Variants in ADGB observed in about 807,000 individuals in gnomAD.
The protein encoded by ADGB is calpain-7-like protein.
In ADGB, 172 loss-of-function variants were observed where a neutral mutation model predicts 210.5. The observed-to-expected ratio is 0.82, with a 90% CI of 0.72 to 0.93. The LOEUF is 0.93. ADGB is among the 40% of genes least tolerant of loss of function. The pLI, the probability that ADGB is intolerant of heterozygous loss-of-function variation, is 0.00. For missense variants in ADGB, 2,025 were observed against 1,964.8 expected, an observed-to-expected ratio of 1.03 and a Z score of -0.58; for synonymous variants, 658 against 662.7, an observed-to-expected ratio of 0.99 and a Z score of 0.11.
At chr6:146,756,823 A>G (rs1459917156) in intron 27 of ADGB, among the ~76,000 whole-genome samples, 1 of 151,434 alleles carries the variant, frequency 6.6e-6, no homozygotes, top group African/African-American at 2.4e-5. Context: ...CACCTCCTGG[A>G]TTCAAGTGAT....
Position 146,603,213 on chromosome 6 carries a change from AAATTAAATT to A in ADGB, c.74+4104_74+4112del, listed in dbSNP as rs1403476960. Among the ~76,000 whole-genome samples the A allele has an allele frequency of 5.9e-5, 9 of 152,338 alleles. No individual in the cohort carries two copies. The East Asian group carries it at 1.7e-3, about 29-fold the overall frequency. ...CTAATAACAATTAGCAATTATAAAC[AAATTAAATT>A]AATTGATCAATCTAATTGATTTGAA... On this transcript the variant is annotated intron_variant, in intron 1 of 35. Coordinates refer to ENST00000397944, the MANE Select transcript of ADGB (RefSeq NM_024694.4).
At chr6:146,672,511 AT>A (rs1409164114) in intron 8 of ADGB, 44 bp downstream of exon 8, 1 of 1,476,072 alleles carries the variant, frequency 6.8e-7, no homozygotes, top group Non-Finnish European at 9.0e-7. Context: ...TGGACATTGC[AT>A]ATAAATGCCT....
Position 146,746,055 on chromosome 6 carries a change from C to T in ADGB, c.3311C>T (p.Ala1104Val). ...LSRDSPCNSFAIKEIRDYYIP... is the reference protein window; with the variant it reads ...LSRDSPCNSFVIKEIRDYYIP... ...CGAGACTCTCCATGCAATTCCTTTGCCATAAAGGAAATCCGAGATTACTAC... is the reference window on the plus strand; with the variant it reads ...CGAGACTCTCCATGCAATTCCTTTGTCATAAAGGAAATCCGAGATTACTAC... Residue 1104 changes from alanine (A) to valine (V), a missense_variant, in exon 26 of 36, where the codon GCC (alanine) becomes GTC (valine). Physicochemically the swap from Ala to Val is moderately conservative, Grantham distance 64. Coordinates refer to ENST00000397944, the MANE Select transcript of ADGB (RefSeq NM_024694.4). 6.5e-7 allele frequency: 1 copy of T among 1,550,380 alleles called. No individual in the cohort carries two copies. Among genetic ancestry groups the T allele is most frequent in the Non-Finnish European group, 8.7e-7 (1 of 1,146,240 alleles).
At position 146,664,215 on chromosome 6, in the gene ADGB, G is replaced by T; in HGVS notation, c.627G>T (p.Lys209Asn). ...CTTATTTTTAGGGTTGCTGGAGAAAGATAACAATTGATGACTTTTTGCCTT... is the reference window on the plus strand; with the variant it reads ...CTTATTTTTAGGGTTGCTGGAGAAATATAACAATTGATGACTTTTTGCCTT... ...VKLYWMGCWR[K>N]ITIDDFLPFD... The change falls in exon 6 of 36, where the codon AAG (lysine) becomes AAT (asparagine). Residue 209 changes from lysine (K) to asparagine (N), a missense_variant. By Grantham distance (94) the Lys-to-Asn change is moderately conservative. Transcript: ENST00000397944. The T allele has an allele frequency of 6.5e-7, 1 of 1,546,714 alleles. No individual in the cohort carries two copies. Among genetic ancestry groups the T allele is most frequent in the Non-Finnish European group, 8.7e-7 (1 of 1,144,728 alleles).
At chr6:146,769,288 T>C (rs1777620341) in intron 29 of ADGB, among the ~76,000 whole-genome samples, 157 bp downstream of exon 29, 2 of 152,298 alleles carry the variant, frequency 1.3e-5, no homozygotes, top group African/African-American at 4.8e-5. Flanking sequence ...TTTCCTGTTG[T>C]GTTAATTGAT....
intron 1 of ADGB, among the ~76,000 whole-genome samples, chr6:146,623,696 T>C (rs1449045403): frequency 1.3e-5 from 2 of 151,944 alleles, no homozygotes; most frequent in Non-Finnish European, 2.9e-5. Context: ...CAGTCTTACA[T>C]CACTAAGTAT....
chr6:146,708,375 T>A lies in ADGB; in HGVS notation c.1708-7007T>A, dbSNP rs980707667. 4.6e-5 allele frequency among the ~76,000 whole-genome samples: 7 copies of A among 152,228 alleles called. No homozygotes were observed. The East Asian group carries it at 1.3e-3, about 29-fold the overall frequency. ...ATTCTTTTCTTTCAGCTTGAAGAAT[T>A]CCCTGTAGTATTTCTCATAAAACAG... On this transcript the variant is annotated intron_variant, in intron 13 of 35. Transcript: ENST00000397944.
At position 146,769,074 on chromosome 6, in the gene ADGB, G is replaced by A; in HGVS notation, c.3805G>A (p.Glu1269Lys). 1 of 1,531,914 alleles carries A rather than the reference G, an allele frequency of 6.5e-7. No homozygotes were observed. Among genetic ancestry groups the A allele is most frequent in the Middle Eastern group, 1.9e-4 (1 of 5,162 alleles). The allele number at this position is 1,531,914 out of a possible 1,614,324, so 94.9% of individuals were successfully genotyped here. A position where few individuals can be genotyped will look rare whatever the true frequency, so the allele number is the denominator to read the frequency against. The change falls in exon 29 of 36, where the codon GAA becomes AAA. Residue 1269 changes from glutamate to lysine, a missense_variant. Physicochemically the swap from Glu to Lys is moderately conservative, Grantham distance 56. Transcript: ENST00000397944. ...SVLYNSWPLTESQLTFVQALK... is the reference protein window; with the variant it reads ...SVLYNSWPLTKSQLTFVQALK... ...GTTGTATAACAGTTGGCCTCTCACT[G>A]AAAGCCAGCTGACATTTGTTCAAGC...
intron 13 of ADGB, among the ~76,000 whole-genome samples, chr6:146,707,159 G>A (rs1387090792): frequency 1.3e-5 from 2 of 152,030 alleles, no homozygotes; most frequent in East Asian, 3.9e-4. Flanking sequence ...AATGCCTCCT[G>A]TTGTTGATTT....
chr6:146,744,615 TC>T (rs1229529622), intron 25 of ADGB, among the ~76,000 whole-genome samples: 1 of 152,214 alleles, frequency 6.6e-6, no homozygotes, highest in Non-Finnish European at 1.5e-5. Context: ...TATATATTCT[TC>T]TTAAGTTTGA....
chr6:146,654,290 C>T, intron 4 of ADGB, 84 bp downstream of exon 4: 1 of 783,002 alleles, frequency 1.3e-6, no homozygotes. Flanking sequence ...TCGATTTCAA[C>T]TCTCCCTTGC....
intron 8 of ADGB, among the ~76,000 whole-genome samples, chr6:146,674,542 TG>T (rs1776061067): frequency 6.6e-6 from 1 of 152,104 alleles, no homozygotes; most frequent in Admixed American, 6.6e-5. Flanking sequence ...CAGGTGTAGG[TG>T]GGTAAACGGG....
intron 12 of ADGB, among the ~76,000 whole-genome samples, chr6:146,700,010 G>A (rs1776467477): frequency 6.6e-6 from 1 of 152,194 alleles, no homozygotes; most frequent in African/African-American, 2.4e-5. Flanking sequence ...GCTTGAATCT[G>A]TTATTAGTTC....
rs1778372924 is a variant in ADGB at position 146,815,242 on chromosome 6, G to A, written c.*25G>A. The A allele has an allele frequency of 2.1e-6, 3 of 1,447,542 alleles. No individual in the cohort carries two copies. The highest frequency in any genetic ancestry group is 2.7e-6 in the Non-Finnish European group (3 of 1,104,310). The allele number at this position is 1,447,542 out of a possible 1,614,324, so 89.7% of individuals were successfully genotyped here. ...ACCAGGGGATGTCCAATACTACCCT[G>A]CTTCTGGAGAGAAAAAATCTATTTG... On this transcript the variant is annotated 3_prime_UTR_variant, in exon 36 of 36. Coordinates refer to ENST00000397944, the MANE Select transcript of ADGB (RefSeq NM_024694.4).
chr6:146,706,494 G>A (rs998393019), intron 13 of ADGB, among the ~76,000 whole-genome samples: 7 of 151,678 alleles, frequency 4.6e-5, no homozygotes, highest in Non-Finnish European at 7.4e-5. Context: ...TCCTGACCTC[G>A]TCATCCACCT....
At chr6:146,729,324 T>G (rs1202553189) in intron 20 of ADGB, among the ~76,000 whole-genome samples, 1 of 152,272 alleles carries the variant, frequency 6.6e-6, no homozygotes, top group Non-Finnish European at 1.5e-5. Flanking sequence ...TTATTCTCTC[T>G]TCTTCAATTT....
At chr6:146,689,097 T>C (rs1277645125) in intron 10 of ADGB, among the ~76,000 whole-genome samples, 1 of 152,120 alleles carries the variant, frequency 6.6e-6, no homozygotes, top group Non-Finnish European at 1.5e-5. Flanking sequence ...AATCCAACTC[T>C]TGCATCTGTT....
At chr6:146,655,062 G>T (rs1311909164) in intron 4 of ADGB, among the ~76,000 whole-genome samples, 6 of 151,938 alleles carry the variant, frequency 3.9e-5, no homozygotes, top group African/African-American at 1.2e-4. Flanking sequence ...GCAGTTATTT[G>T]TCTTTGTTTG....
chr6:146,651,938 G>T (rs1775709475), intron 3 of ADGB, among the ~76,000 whole-genome samples: 1 of 152,102 alleles, frequency 6.6e-6, no homozygotes, highest in South Asian at 2.1e-4. Flanking sequence ...CTGACTTTAG[G>T]ATAGCAGAAT....
Sources: allele counts gnomAD v4.1 joint callset (sites outside exome capture counted in the v4.1 genomes callset), GRCh38; gene constraint gnomAD v4.1.1; transcripts MANE v1.5; gene names NCBI Gene and HGNC (gene_info 2026-07-23, HGNC 2026-07-21).